Variants in GRIP1 observed in about 807,000 individuals in gnomAD.
GRIP1 encodes glutamate receptor interacting protein 1, also known as glutamate receptor-interacting protein 1.
In GRIP1, 45 loss-of-function variants were observed where a neutral mutation model predicts 129.9. The ratio of observed to expected loss-of-function variants is 0.35; its 90% confidence interval spans 0.27 to 0.44. GRIP1 has a LOEUF of 0.44. GRIP1 is among the 20% of genes least tolerant of loss of function. GRIP1 has a pLI of 1.00. For missense variants in GRIP1, 1,196 were observed against 1,396.8 expected (o/e 0.86, Z 2.29); for synonymous variants, 530 against 520.8 (o/e 1.02, Z -0.24).
chr12:66,453,208 T>G (rs919474644), intron 11 of GRIP1, among the ~76,000 whole-genome samples: 1 of 152,226 alleles, frequency 6.6e-6, no homozygotes, highest in Non-Finnish European at 1.5e-5. Context: ...AATATCAACC[T>G]GAGATAGCCA....
chr12:66,589,681 A>G (rs1280815952), intron 2 of GRIP1, among the ~76,000 whole-genome samples: 2 of 152,220 alleles, frequency 1.3e-5, no homozygotes, highest in East Asian at 3.8e-4. Flanking sequence ...ACCTAAGTAA[A>G]GAAGTATACC....
Position 66,516,336 on chromosome 12 carries a change from C to T in GRIP1, c.579-572G>A, listed in dbSNP as rs546727941. Among the ~76,000 whole-genome samples the T allele has an allele frequency of 9.2e-5, 14 of 152,230 alleles. No individual in the cohort carries two copies. The South Asian group carries it at 2.9e-3, about 32-fold the overall frequency. ...CCTCCCTGCTGTGACCACAGACACTCAAGGCATTGAGAGATGACTCAGGAC... is the reference window on the plus strand; with the variant it reads ...CCTCCCTGCTGTGACCACAGACACTTAAGGCATTGAGAGATGACTCAGGAC... On this transcript the variant is annotated intron_variant, in intron 6 of 24. Transcript: ENST00000359742.
chr12:66,394,829 C>T (rs1213620017), intron 16 of GRIP1, among the ~76,000 whole-genome samples: 4 of 152,082 alleles, frequency 2.6e-5, no homozygotes, highest in South Asian at 2.1e-4. Flanking sequence ...GTGGATTTTG[C>T]GAAGGGTTGG....
intron 2 of GRIP1, among the ~76,000 whole-genome samples, chr12:66,557,885 C>T (rs1053653821): frequency 1.3e-5 from 2 of 151,994 alleles, no homozygotes; most frequent in African/African-American, 4.8e-5. Flanking sequence ...AATAAACAAC[C>T]TAAGAATGCA....
chr12:66,620,311 T>C (rs2065211809), intron 1 of GRIP1, among the ~76,000 whole-genome samples: 1 of 152,164 alleles, frequency 6.6e-6, no homozygotes. Context: ...GAGGGAGCTC[T>C]CAAAATTAGG....
intron 15 of GRIP1, among the ~76,000 whole-genome samples, chr12:66,413,242 A>C (rs2057465596): frequency 6.6e-6 from 1 of 152,190 alleles, no homozygotes; most frequent in Non-Finnish European, 1.5e-5. Flanking sequence ...AAAATAACTG[A>C]AATCATAACA....
At chr12:66,418,787 G>A (rs192927843) in intron 15 of GRIP1, among the ~76,000 whole-genome samples, 25 of 152,196 alleles carry the variant, frequency 1.6e-4, no homozygotes, top group Admixed American at 6.6e-4. Flanking sequence ...CAAAAGACAG[G>A]CAATAACAAA....
chr12:66,473,552 G>A (rs2059508750), intron 7 of GRIP1, among the ~76,000 whole-genome samples: 1 of 152,222 alleles, frequency 6.6e-6, no homozygotes, highest in Non-Finnish European at 1.5e-5. Flanking sequence ...ACTCCCAGCA[G>A]GGGTCGACAG....
intron 1 of GRIP1, among the ~76,000 whole-genome samples, chr12:66,688,908 T>G (rs2034879212): frequency 6.6e-6 from 1 of 152,150 alleles, no homozygotes; most frequent in Admixed American, 6.5e-5. Context: ...AAGTCAGGGT[T>G]GAAGGACATT....
chr12:66,864,125 G>C (rs895891809), intron 1 of GRIP1, among the ~76,000 whole-genome samples: 1 of 150,720 alleles, frequency 6.6e-6, no homozygotes, highest in African/African-American at 2.4e-5. Context: ...TCACATGTGT[G>C]GATCCCGAGT....
chr12:66,507,084 T>C (rs897312586), intron 7 of GRIP1, among the ~76,000 whole-genome samples: 62 of 152,194 alleles, frequency 4.1e-4, no homozygotes, highest in African/African-American at 1.4e-3. Flanking sequence ...TGTCGTGTTA[T>C]AAATACTTTA....
intron 9 of GRIP1, among the ~76,000 whole-genome samples, chr12:66,457,926 G>C (rs148568909): frequency 1.3e-5 from 2 of 152,296 alleles, no homozygotes; most frequent in East Asian, 3.9e-4. Context: ...GGGATATTGA[G>C]AATTAGGCAA....
chr12:66,509,970 A>AG (rs1411912450), intron 7 of GRIP1, among the ~76,000 whole-genome samples: 1 of 151,942 alleles, frequency 6.6e-6, no homozygotes, highest in Non-Finnish European at 1.5e-5. Context: ...AAGAAAAAAA[A>AG]AAGATGCTCA....
intron 1 of GRIP1, among the ~76,000 whole-genome samples, chr12:66,735,672 A>C (rs1213085837): frequency 6.6e-6 from 1 of 152,182 alleles, no homozygotes; most frequent in Non-Finnish European, 1.5e-5. Context: ...CAAAGGTGAC[A>C]GGAAGGGGAG....
chr12:66,755,730 C>T (rs754799079), intron 1 of GRIP1, among the ~76,000 whole-genome samples: 5 of 152,212 alleles, frequency 3.3e-5, no homozygotes, highest in African/African-American at 9.6e-5. Context: ...GTCCACACTA[C>T]AGCTGGAGAG....
At chr12:66,391,069 G>A (rs2056567210) in intron 19 of GRIP1, among the ~76,000 whole-genome samples, 1 of 151,872 alleles carries the variant, frequency 6.6e-6, no homozygotes, top group African/African-American at 2.4e-5. Context: ...GTTCACCAGA[G>A]GACTTAACAG....
intron 1 of GRIP1, among the ~76,000 whole-genome samples, chr12:66,998,290 A>T (rs2042499478): frequency 6.6e-6 from 1 of 152,220 alleles, no homozygotes; most frequent in South Asian, 2.1e-4. Flanking sequence ...GCTGGACCAC[A>T]GAGTTTTGAA....
chr12:66,729,377 A>T (rs1219677025), intron 1 of GRIP1, among the ~76,000 whole-genome samples: 2 of 152,226 alleles, frequency 1.3e-5, no homozygotes, highest in Non-Finnish European at 2.9e-5. Context: ...ATATAAAGGC[A>T]AATAGTGAGC....
At chr12:66,852,595 T>C (rs781750656) in intron 1 of GRIP1, among the ~76,000 whole-genome samples, 2 of 151,484 alleles carry the variant, frequency 1.3e-5, no homozygotes, top group Non-Finnish European at 2.9e-5. Context: ...TATATGTATA[T>C]ATGTACATAT....
Sources: allele counts gnomAD v4.1 joint callset (sites outside exome capture counted in the v4.1 genomes callset), GRCh38; gene constraint gnomAD v4.1.1; transcripts MANE v1.5; gene names NCBI Gene and HGNC (gene_info 2026-07-23, HGNC 2026-07-21).